The following KAZN variants were observed in gnomAD, a reference collection of about 807,000 sequenced individuals.
KAZN encodes the protein kazrin.
A neutral mutation model predicts 87.4 loss-of-function variants in KAZN; 40 were observed. The observed-to-expected ratio is 0.46, with a 90% CI of 0.36 to 0.60. The LOEUF is 0.60. Ranked by LOEUF, KAZN falls within the 20% of genes least tolerant of loss-of-function variation. KAZN has a pLI of 0.00. For missense variants in KAZN, 898 were observed against 1,073.9 expected (o/e 0.84, Z 2.29); for synonymous variants, 466 against 458.3 (o/e 1.02, Z -0.22).
chr1:13,922,658 A>G (rs1380443522), intron 1 of KAZN, among the ~76,000 whole-genome samples: 1 of 152,076 alleles, frequency 6.6e-6, no homozygotes, highest in African/African-American at 2.4e-5. Context: ...CCAGATTTAC[A>G]GCTTTAAAGG....
rs35014105 is a variant in KAZN at position 14,938,542 on chromosome 1, C to CA, written c.227-22125dup. Among the ~76,000 whole-genome samples the CA allele has an allele frequency of 3.7e-3, 397 of 107,842 alleles. 3 individuals carry two copies. The highest frequency in any genetic ancestry group is 5.3e-3 in the Admixed American group (55 of 10,416). The allele number at this position is 107,842 out of a possible 152,430, so 70.7% of individuals were successfully genotyped here. A position where few individuals can be genotyped will look rare whatever the true frequency, so the allele number is the denominator to read the frequency against. On this transcript the variant is annotated intron_variant, in intron 1 of 14. Coordinates refer to ENST00000376030, the MANE Select transcript of KAZN (RefSeq NM_201628.3). ...GGGCAACAAGAGGGAAACTCCATCTCAAAAAAAAAAAAAAAAAGGGTGCTG... is the reference window on the plus strand; with the variant it reads ...GGGCAACAAGAGGGAAACTCCATCTCAAAAAAAAAAAAAAAAAAGGGTGCTG...
intron 1 of KAZN, among the ~76,000 whole-genome samples, chr1:13,982,370 C>T (rs568078055): frequency 9.2e-5 from 14 of 152,134 alleles, no homozygotes; most frequent in Non-Finnish European, 1.5e-4. Flanking sequence ...CGGATGTGTT[C>T]GGAGTTTCTT....
chr1:14,308,258 G>C lies in KAZN; in HGVS notation c.249+127666G>C, dbSNP rs1013331870. On this transcript the variant is annotated intron_variant, in intron 2 of 16. Coordinates refer to the KAZN transcript ENST00000636203. Reference sequence around the variant, plus strand: ...GATGAAATTTGAATATGGACTGTGAGTTAGATAGTATTGTTATGAAAATGT... The same window carrying C: ...GATGAAATTTGAATATGGACTGTGACTTAGATAGTATTGTTATGAAAATGT... 4.6e-5 allele frequency among the ~76,000 whole-genome samples: 7 copies of C among 152,114 alleles called. 1 individual carries two copies. In the South Asian group the frequency reaches 6.2e-4, roughly 14 times the overall value.
intron 1 of KAZN, among the ~76,000 whole-genome samples, chr1:13,917,684 C>T (rs140889300): frequency 1.3e-4 from 19 of 150,694 alleles, no homozygotes; most frequent in African/African-American, 4.7e-4. Context: ...GTGGTCCCAG[C>T]TACGTGGGAG....
In KAZN at chr1:14,218,565, G is replaced by T. The variant is rs1557569381; in HGVS notation, c.249+37973G>T. ...ATGTCAAAAGGACAAAGGAACTAAT[G>T]ATTTTCCCACTGGACAAAGATCAGA... is the stretch of plus-strand genomic sequence containing the variant. On this transcript the variant is annotated intron_variant, in intron 2 of 16. Transcript: ENST00000636203. 3.3e-5 allele frequency among the ~76,000 whole-genome samples: 5 copies of T among 152,256 alleles called. No individual in the cohort carries two copies. In the South Asian group the frequency reaches 1.0e-3, roughly 32 times the overall value.
At chr1:14,485,341 A>T (rs904341051) in intron 2 of KAZN, among the ~76,000 whole-genome samples, 1 of 152,102 alleles carries the variant, frequency 6.6e-6, no homozygotes, top group Non-Finnish European at 1.5e-5. Flanking sequence ...ATTAATCCAG[A>T]TATGTCTTTA....
intron 1 of KAZN, among the ~76,000 whole-genome samples, chr1:13,979,579 T>A (rs1638553448): frequency 6.6e-6 from 1 of 152,200 alleles, no homozygotes; most frequent in African/African-American, 2.4e-5. Context: ...ATATATGCAA[T>A]GGTAAATGTA....
chr1:14,104,365 T>G (rs189805192), intron 1 of KAZN, among the ~76,000 whole-genome samples: 201 of 152,338 alleles, frequency 1.3e-3, no homozygotes, highest in Non-Finnish European at 1.3e-3. Context: ...ACTCTGCCTC[T>G]GAAAATCTTG....
rs561555150 is a variant in KAZN at position 14,344,160 on chromosome 1, ATTCTTTT to A, written c.249+163571_249+163577del. Among the ~76,000 whole-genome samples, 1,079 of 92,796 alleles carry A rather than the reference ATTCTTTT, an allele frequency of 0.012. 31 individuals are homozygous for A. The East Asian group carries it at 0.13, about 11-fold the overall frequency. 60.9% of individuals were successfully genotyped at this position (92,796 alleles called of 152,430 possible). On this transcript the variant is annotated intron_variant, in intron 2 of 16. Coordinates refer to the KAZN transcript ENST00000636203. ...TATTGATTCACTTATCCATTCATGTATTCTTTTTTTTTTTTTTTTTGACAAATATTTA... is the reference window on the plus strand; with the variant it reads ...TATTGATTCACTTATCCATTCATGTATTTTTTTTTTTTTGACAAATATTTA...
At chr1:13,979,490 C>A (rs1385232679) in intron 1 of KAZN, among the ~76,000 whole-genome samples, 1 of 152,092 alleles carries the variant, frequency 6.6e-6, no homozygotes, top group Non-Finnish European at 1.5e-5. Context: ...AAAAACTGGA[C>A]TGCACTAAAA....
chr1:14,555,827 C>T (rs971188369), intron 2 of KAZN, among the ~76,000 whole-genome samples: 2 of 152,134 alleles, frequency 1.3e-5, no homozygotes, highest in South Asian at 2.1e-4. Context: ...CAACTGACCC[C>T]GATGTTTGTA....
intron 1 of KAZN, among the ~76,000 whole-genome samples, chr1:14,790,819 A>T (rs1645651943): frequency 6.6e-6 from 1 of 152,132 alleles, no homozygotes. Flanking sequence ...CAGCCTCCCG[A>T]GTAGCTGGAA....
At chr1:14,286,434 C>G (rs1172401717) in intron 2 of KAZN, among the ~76,000 whole-genome samples, 2 of 152,194 alleles carry the variant, frequency 1.3e-5, no homozygotes, top group Non-Finnish European at 2.9e-5. Flanking sequence ...ACAAGCCAGG[C>G]AAGAGGTCAG....
intron 2 of KAZN, among the ~76,000 whole-genome samples, chr1:14,404,566 C>T (rs1022358964): frequency 4.6e-5 from 7 of 152,284 alleles, no homozygotes; most frequent in Admixed American, 3.9e-4. Context: ...ACAAGTTCTC[C>T]CTCAGTGCCT....
intron 1 of KAZN, among the ~76,000 whole-genome samples, chr1:14,901,333 G>A (rs1572773754): frequency 6.6e-6 from 1 of 152,236 alleles, no homozygotes; most frequent in African/African-American, 2.4e-5. Flanking sequence ...GCCCAGTGGA[G>A]ATGAGTGAGT....
intron 1 of KAZN, among the ~76,000 whole-genome samples, chr1:13,981,095 A>ATATATATAAG (rs1553181092): frequency 1.9e-5 from 2 of 104,244 alleles, no homozygotes; most frequent in Non-Finnish European, 4.0e-5. Context: ...CTCTTTATAT[A>ATATATATAAG]TATATATATA....
chr1:14,877,277 G>T (rs1053830358), intron 1 of KAZN, among the ~76,000 whole-genome samples: 2 of 152,152 alleles, frequency 1.3e-5, no homozygotes, highest in Non-Finnish European at 1.5e-5. Flanking sequence ...TGGGGAAGAT[G>T]ACCTCAAACA....
At chr1:14,191,511 T>C (rs1646419035) in intron 2 of KAZN, among the ~76,000 whole-genome samples, 1 of 152,038 alleles carries the variant, frequency 6.6e-6, no homozygotes, top group South Asian at 2.1e-4. Context: ...CATCTAGGTG[T>C]AGTTGTCTAA....
At chr1:14,526,888 A>G (rs2148473124) in intron 2 of KAZN, among the ~76,000 whole-genome samples, 2 of 152,358 alleles carry the variant, frequency 1.3e-5, no homozygotes, top group Middle Eastern at 6.8e-3. Flanking sequence ...TTTGGGCAAC[A>G]GGACAGGCCA....
Sources: allele counts gnomAD v4.1 joint callset (sites outside exome capture counted in the v4.1 genomes callset), GRCh38; gene constraint gnomAD v4.1.1; transcripts MANE v1.5; gene names NCBI Gene and HGNC (gene_info 2026-07-23, HGNC 2026-07-21).